The following PRKDC variants were observed in gnomAD, a reference collection of about 807,000 sequenced individuals.
PRKDC encodes the protein DNA-dependent protein kinase catalytic subunit.
A neutral mutation model predicts 486.9 loss-of-function variants in PRKDC; 82 were observed. The observed-to-expected ratio is 0.17, with a 90% confidence interval of 0.14 to 0.20. The LOEUF (loss-of-function observed/expected upper bound fraction) is 0.20. Among genes scored for constraint, PRKDC ranks in the 10% least tolerant of loss-of-function variants. PRKDC has a pLI of 1.00. For missense variants in PRKDC, 4,504 were observed against 5,038.2 expected, an observed-to-expected ratio of 0.89 and a Z score of 3.21; for synonymous variants, 1,895 against 1,837.0, an observed-to-expected ratio of 1.03 and a Z score of -0.81.
intron 68 of PRKDC, among the ~76,000 whole-genome samples, chr8:47,812,837 C>T (rs1178938709): frequency 4.0e-5 from 6 of 151,816 alleles, no homozygotes; most frequent in African/African-American, 1.2e-4. Context: ...CAAACCTTTA[C>T]CCAGATGAAT....
At chr8:47,843,201 C>G (rs2088191001) in intron 54 of PRKDC, among the ~76,000 whole-genome samples, 2 of 152,028 alleles carry the variant, frequency 1.3e-5, no homozygotes, top group Non-Finnish European at 2.9e-5. Flanking sequence ...AGAAAAGGAA[C>G]CAAACTGAAC....
intron 40 of PRKDC, among the ~76,000 whole-genome samples, chr8:47,865,114 G>A (rs1231917691): frequency 1.3e-5 from 2 of 152,214 alleles, no homozygotes; most frequent in Admixed American, 6.5e-5. Context: ...TTGGCTGGGC[G>A]TGGTGGCTCA....
In PRKDC at chr8:47,826,826, G is replaced by A. The variant is rs750522094; in HGVS notation, c.8613C>T (p.Leu2871=). Residue 2871 remains leucine (L), a synonymous_variant, in exon 63 of 86, where the codon CTC becomes CTT. Coordinates refer to ENST00000314191, the MANE Select transcript of PRKDC (RefSeq NM_006904.7). ...ISCQHAALLS[L]DPAAVSAGCL... The stretch of plus-strand genomic sequence containing the variant: ...AACCAGCGCTAACAGCCGCTGGGTC[G>A]AGGCTCAGCAGGGCTGCGTGCTGAC... The A allele has an allele frequency of 4.4e-6, 7 of 1,600,920 alleles. No individual in the cohort carries two copies. In the East Asian group the frequency reaches 9.0e-5, roughly 21 times the overall value.
intron 68 of PRKDC, among the ~76,000 whole-genome samples, chr8:47,811,037 C>G (rs1399214059): frequency 2.0e-5 from 3 of 152,128 alleles, no homozygotes; most frequent in Non-Finnish European, 4.4e-5. Context: ...TGACTGAAAA[C>G]TCCCCAAATC....
At chr8:47,821,522 T>G in intron 65 of PRKDC, 82 bp downstream of exon 65, 10 of 1,386,864 alleles carry the variant, frequency 7.2e-6, no homozygotes, top group East Asian at 2.5e-5. Flanking sequence ...TACCTGTTTT[T>G]GAAATGTTTT....
At chr8:47,890,075 C>T (rs1193510417) in intron 32 of PRKDC, among the ~76,000 whole-genome samples, 182 bp downstream of exon 32, 1 of 151,772 alleles carries the variant, frequency 6.6e-6, no homozygotes, top group Non-Finnish European at 1.5e-5. Context: ...AAAACCTAGC[C>T]TTCTCTTCCT....
chr8:47,949,997 G>A (rs921909700), intron 7 of PRKDC, among the ~76,000 whole-genome samples: 4 of 152,198 alleles, frequency 2.6e-5, no homozygotes, highest in African/African-American at 9.7e-5. Flanking sequence ...GAGGCCAGGG[G>A]TGGTGGCTCA....
At position 47,869,383 on chromosome 8, in the gene PRKDC, T is replaced by A. The variant is rs527534475; in HGVS notation, c.5364-4620A>T. On this transcript the variant is annotated intron_variant, in intron 40 of 85. Coordinates refer to ENST00000314191, the MANE Select transcript of PRKDC (RefSeq NM_006904.7). Reference sequence around the variant, plus strand: ...AGAATCCTGAGTCCCTCACTCCAGGTCCTGGCTCCCAGACGACATTTTTAG... The same window carrying A: ...AGAATCCTGAGTCCCTCACTCCAGGACCTGGCTCCCAGACGACATTTTTAG... Among the ~76,000 whole-genome samples the A allele has an allele frequency of 4.7e-4, 72 of 151,632 alleles. 1 individual carries two copies. Among genetic ancestry groups the A allele is most frequent in the African/African-American group, 1.7e-3 (72 of 41,356 alleles).
intron 7 of PRKDC, among the ~76,000 whole-genome samples, chr8:47,951,925 A>G (rs1189761252): frequency 6.6e-6 from 1 of 152,220 alleles, no homozygotes; most frequent in East Asian, 1.9e-4. Context: ...CTTCGCAACC[A>G]TTAGGCATTA....
chr8:47,837,648 G>C (rs1278957471), intron 56 of PRKDC, among the ~76,000 whole-genome samples: 5 of 152,008 alleles, frequency 3.3e-5, no homozygotes, highest in Non-Finnish European at 5.9e-5. Flanking sequence ...CCACAGAGGG[G>C]AGGGGAGAAA....
rs1212909068 is a variant in PRKDC, at chr8:47,831,900, G to C, written c.8179C>G (p.Arg2727Gly). 1.2e-6 allele frequency: 2 copies of C among 1,613,642 alleles called. No individual in the cohort carries two copies. The highest frequency in any genetic ancestry group is 3.3e-5 in the Admixed American group (2 of 60,006). Residue 2727 changes from arginine to glycine, a missense_variant, in exon 60 of 86, where the codon CGA becomes GGA. Arg to Gly is a moderately radical substitution (Grantham distance 125). Around this residue, in one of 6 missense-constraint regions of PRKDC, gnomAD observed 1,592 missense variants for 1,724.6 expected, o/e 0.92. Coordinates refer to ENST00000314191, the MANE Select transcript of PRKDC (RefSeq NM_006904.7). ...KGAAGRTDLL[R>G]LRRRFMRDQE... The stretch of plus-strand genomic sequence containing the variant: ...TCCCTCATAAACCGTCTGCGCAGTC[G>C]TAGTAGGTCCGTCCGGCCGGCCGCA...
chr8:47,859,843 A>G (rs2088634468), intron 45 of PRKDC, 84 bp from the exon 46 acceptor site: 3 of 1,330,174 alleles, frequency 2.3e-6, no homozygotes, highest in Non-Finnish European at 3.1e-6. Context: ...ATGATATGAA[A>G]ATTAAAGCAC....
chr8:47,782,536 C>A lies in PRKDC; in HGVS notation c.11238G>T (p.Arg3746Ser). Reference protein sequence around the residue: ...KRIIIRGHDEREHPFLVKGGE... With the variant: ...KRIIIRGHDESEHPFLVKGGE... ...CACCCTTCACCAGGAAAGGGTGTTCCCTCTCGTCATGGCCACGGATGATGA... is the reference window on the plus strand; with the variant it reads ...CACCCTTCACCAGGAAAGGGTGTTCACTCTCGTCATGGCCACGGATGATGA... The change falls in exon 79 of 86, where the codon AGG becomes AGT. Residue 3746 changes from arginine to serine, a missense_variant. Physicochemically the swap from Arg to Ser is moderately radical, Grantham distance 110. Coordinates refer to ENST00000314191, the MANE Select transcript of PRKDC (RefSeq NM_006904.7). This position sits in a 1 kb window ranked among gnomAD's most constrained non-coding sequence, Gnocchi z 4.9. 6.3e-7 allele frequency: 1 copy of A among 1,575,192 alleles called. No homozygotes were observed. The highest frequency in any genetic ancestry group is 2.3e-5 in the East Asian group (1 of 42,806).
At chr8:47,788,318 T>C (rs2086826935) in intron 76 of PRKDC, among the ~76,000 whole-genome samples, 1 of 152,178 alleles carries the variant, frequency 6.6e-6, no homozygotes, top group Admixed American at 6.5e-5. Context: ...GCTGCAAAGG[T>C]GTAGCAACTG....
intron 40 of PRKDC, among the ~76,000 whole-genome samples, chr8:47,875,924 T>TAA (rs1180452211): frequency 2.0e-5 from 3 of 152,198 alleles, no homozygotes; most frequent in African/African-American, 7.2e-5. Flanking sequence ...ATGATATTTT[T>TAA]AAAAATATCA....
intron 80 of PRKDC, among the ~76,000 whole-genome samples, chr8:47,781,744 A>T (rs1212579788): frequency 1.3e-5 from 2 of 152,328 alleles, no homozygotes; most frequent in Middle Eastern, 3.4e-3. Context: ...TAAGTGACAC[A>T]GGACAGGTTA....
chr8:47,940,865 C>A (rs890026964), intron 10 of PRKDC, among the ~76,000 whole-genome samples: 1 of 152,228 alleles, frequency 6.6e-6, no homozygotes, highest in East Asian at 1.9e-4. Context: ...AGATGTTGGC[C>A]GGGCGCAGTA....
intron 7 of PRKDC, among the ~76,000 whole-genome samples, chr8:47,948,294 G>C (rs2090570705): frequency 6.7e-6 from 1 of 150,274 alleles, no homozygotes; most frequent in Non-Finnish European, 1.5e-5. Flanking sequence ...ATTTTTAGTA[G>C]AGACGGGATT....
rs374237444 is a variant in PRKDC at position 47,820,885 on chromosome 8, G to T, written c.9170C>A (p.Ala3057Asp). 4.3e-5 allele frequency: 70 copies of T among 1,610,294 alleles called. No individual in the cohort carries two copies. In the African/African-American group the frequency reaches 6.3e-4, roughly 14 times the overall value. ...SKLKLLLQGE[A>D]DQSLLTFIDK... is the part of the protein sequence containing the mutation. ...AATAAATGTCAGCAGGGACTGGTCAGCCTCTCCCTGGAGCAGCAGCTTCAG... is the reference window on the plus strand; with the variant it reads ...AATAAATGTCAGCAGGGACTGGTCATCCTCTCCCTGGAGCAGCAGCTTCAG... The change falls in exon 66 of 86, where the codon GCT (alanine) becomes GAT (aspartate). Residue 3057 changes from alanine (A) to aspartate (D), a missense_variant. By Grantham distance (126) the Ala-to-Asp change is moderately radical. This residue lies in a region of PRKDC where 1,592 missense variants were observed against 1,724.6 expected (regional missense o/e 0.92). Transcript: ENST00000314191.
Sources: gnomAD v4.1 joint callset for allele counts (sites outside exome capture counted in the v4.1 genomes callset) on GRCh38, gnomAD v4.1.1 for gene constraint, gnomAD v4.1.1 regional missense constraint, Gnocchi (gnomAD v3.1) non-coding constraint, MANE v1.5 for transcripts, NCBI Gene and HGNC (gene_info 2026-07-23, HGNC 2026-07-21) for gene names.